EYS: variants seen among roughly 807,000 people sequenced by gnomAD.
EYS encodes the protein EGF-like photoreceptor maintenance factor, also known as protein eyes shut homolog.
EYS carries 250 observed loss-of-function variants against 282.1 expected under a neutral mutation model. The ratio of observed to expected loss-of-function variants is 0.89; its 90% confidence interval spans 0.80 to 0.98. The LOEUF (loss-of-function observed/expected upper bound fraction) is 0.98, where lower values mean the gene tolerates loss of function less well. EYS is among the 50% of genes least tolerant of loss of function. EYS has a pLI of 0.00. For synonymous variants in EYS, 1,355 were observed against 1,282.9 expected (o/e 1.06, Z -1.20); for missense variants, 4,016 against 3,709.0 (o/e 1.08, Z -2.15).
At chr6:64,469,654 A>G (rs1473199648) in intron 26 of EYS, among the ~76,000 whole-genome samples, 1 of 152,036 alleles carries the variant, frequency 6.6e-6, no homozygotes, top group Non-Finnish European at 1.5e-5. Flanking sequence ...GTCTAGGGAT[A>G]GCGTTAGTGT....
intron 41 of EYS, among the ~76,000 whole-genome samples, chr6:63,731,748 T>C (rs1768787526): frequency 6.6e-6 from 1 of 152,350 alleles, no homozygotes; most frequent in East Asian, 1.9e-4. Flanking sequence ...AGCAGATAGC[T>C]AATATTTTTC....
chr6:65,006,310 C>T (rs553020080), intron 13 of EYS, among the ~76,000 whole-genome samples: 1 of 151,014 alleles, frequency 6.6e-6, no homozygotes, highest in African/African-American at 2.4e-5. Context: ...AAATTTAAAA[C>T]CTGTAATTGA....
chr6:65,424,581 A>C (rs185512671), intron 5 of EYS, among the ~76,000 whole-genome samples: 2 of 152,142 alleles, frequency 1.3e-5, no homozygotes, highest in Admixed American at 1.3e-4. Context: ...ATTACATCAA[A>C]TCTAACTCAT....
chr6:64,526,787 C>T (rs1470624498), intron 26 of EYS, among the ~76,000 whole-genome samples: 3 of 151,714 alleles, frequency 2.0e-5, no homozygotes, highest in Non-Finnish European at 4.4e-5. Flanking sequence ...GACATATAAT[C>T]AAGTATTTAA....
intron 1 of EYS, among the ~76,000 whole-genome samples, chr6:65,684,472 GT>G (rs1386360706): frequency 6.6e-6 from 1 of 151,968 alleles, no homozygotes; most frequent in Non-Finnish European, 1.5e-5. Context: ...CTCAAACAAT[GT>G]TTGCTGAGCT....
intron 31 of EYS, among the ~76,000 whole-genome samples, chr6:64,096,631 T>C (rs1157129264): frequency 1.3e-5 from 2 of 152,190 alleles, no homozygotes; most frequent in South Asian, 2.1e-4. Context: ...TCTGCATTGG[T>C]TATTCTAGTT....
intron 8 of EYS, among the ~76,000 whole-genome samples, chr6:65,361,519 C>T (rs555892231): frequency 2.8e-5 from 4 of 142,160 alleles, no homozygotes; most frequent in South Asian, 2.2e-4. Context: ...CTCTCTCTAT[C>T]GCCCAGGCTG....
intron 14 of EYS, among the ~76,000 whole-genome samples, chr6:64,969,888 G>A (rs1770228669): frequency 6.6e-6 from 1 of 152,120 alleles, no homozygotes; most frequent in Non-Finnish European, 1.5e-5. Flanking sequence ...TGTGACCCCA[G>A]ATGTTACCTA....
At chr6:64,349,192 G>A (rs114379004) in intron 29 of EYS, among the ~76,000 whole-genome samples, 4,718 of 151,272 alleles carry the variant, frequency 0.031, 230 homozygotes, top group African/African-American at 0.11. Flanking sequence ...GAAAAGCAAT[G>A]TATAATATTA....
intron 22 of EYS, among the ~76,000 whole-genome samples, chr6:64,721,981 G>A (rs1771597268): frequency 6.6e-6 from 1 of 152,244 alleles, no homozygotes; most frequent in South Asian, 2.1e-4. Context: ...TGTTTCCAGA[G>A]TAATGTATGT....
At chr6:65,652,021 T>C (rs1297405707) in intron 1 of EYS, among the ~76,000 whole-genome samples, 1 of 151,904 alleles carries the variant, frequency 6.6e-6, no homozygotes, top group Non-Finnish European at 1.5e-5. Flanking sequence ...TTAGACACAA[T>C]AGAAGCTCCA....
In EYS at chr6:64,878,341, G is replaced by A. The variant is rs373367919; in HGVS notation, c.2992+8356C>T. On this transcript the variant is annotated intron_variant, in intron 19 of 42. Transcript: ENST00000503581. ...AAATGTAGTCTATGAATGCAGATGC[G>A]TATAGTTTGGTAGTTGTTAGTGCGA... is the stretch of plus-strand genomic sequence containing the variant. Among the ~76,000 whole-genome samples the A allele has an allele frequency of 5.9e-5, 9 of 152,272 alleles. No individual in the cohort carries two copies. The East Asian group carries it at 1.3e-3, about 23-fold the overall frequency.
At chr6:65,435,945 C>T (rs1694554147) in intron 5 of EYS, among the ~76,000 whole-genome samples, 1 of 152,126 alleles carries the variant, frequency 6.6e-6, no homozygotes, top group South Asian at 2.1e-4. Flanking sequence ...AACAACCCTG[C>T]TGACACTTTA....
At chr6:65,364,421 T>C (rs1012338032) in intron 8 of EYS, among the ~76,000 whole-genome samples, 8 of 151,530 alleles carry the variant, frequency 5.3e-5, no homozygotes, top group East Asian at 1.9e-4. Flanking sequence ...CTTTAAAATA[T>C]GATAACCTTG....
At chr6:65,546,319 TA>T (rs1259738477) in intron 2 of EYS, among the ~76,000 whole-genome samples, 3 of 66,338 alleles carry the variant, frequency 4.5e-5, no homozygotes, top group African/African-American at 1.1e-4. Context: ...GTTCAGCCTA[TA>T]ATTTTTTTTT....
chr6:64,590,668 T>G lies in EYS; in HGVS notation c.5199A>C (p.Thr1733=). Reference sequence around the variant, plus strand: ...TATCACTTGGGTGAAGTTTGAACAGTGTATGAGATCCTTTACTTTTTTCCA... The same window carrying G: ...TATCACTTGGGTGAAGTTTGAACAGGGTATGAGATCCTTTACTTTTTTCCA... The part of the protein sequence containing the change: ...LDMEKSKGSH[T]LFKLHPSDSS... Residue 1733 remains threonine, a synonymous_variant, in exon 26 of 43, where the codon ACA becomes ACC. Transcript: ENST00000503581. The G allele has an allele frequency of 6.4e-7, 1 of 1,551,294 alleles. No individual in the cohort carries two copies. The highest frequency in any genetic ancestry group is 8.7e-7 in the Non-Finnish European group (1 of 1,146,750).
At chr6:63,768,394 C>A (rs967217225) in intron 40 of EYS, among the ~76,000 whole-genome samples, 3 of 151,528 alleles carry the variant, frequency 2.0e-5, no homozygotes, top group African/African-American at 7.3e-5. Context: ...AACAGACAAC[C>A]CCATTAAAAA....
chr6:64,328,617 C>A (rs557196041), intron 29 of EYS, among the ~76,000 whole-genome samples: 1 of 152,092 alleles, frequency 6.6e-6, no homozygotes, highest in African/African-American at 2.4e-5. Flanking sequence ...AGACATAAAG[C>A]GAAAGCTTCA....
rs1318035508 is a variant in EYS at position 65,319,966 on chromosome 6, A to G, written c.1766+15014T>C. 2.6e-5 allele frequency among the ~76,000 whole-genome samples: 4 copies of G among 151,600 alleles called. No homozygotes were observed. The South Asian group carries it at 8.3e-4, about 32-fold the overall frequency. On this transcript the variant is annotated intron_variant, in intron 11 of 42. Transcript: ENST00000503581. Reference sequence around the variant, plus strand: ...TTTCTGTTTGCCAGCTTATTTCCCCAACTCCCCTACTCTTTTGTCTTTCCT... The same window carrying G: ...TTTCTGTTTGCCAGCTTATTTCCCCGACTCCCCTACTCTTTTGTCTTTCCT...
Sources: allele counts gnomAD v4.1 joint callset (sites outside exome capture counted in the v4.1 genomes callset), GRCh38; gene constraint gnomAD v4.1.1; transcripts MANE v1.5; gene names NCBI Gene and HGNC (gene_info 2026-07-23, HGNC 2026-07-21).